The following IL23R variants were observed in gnomAD, a reference collection of about 807,000 sequenced individuals.
IL23R encodes interleukin 23 receptor.
In IL23R, 34 loss-of-function variants were observed where a neutral mutation model predicts 56.9. That is an observed-to-expected ratio of 0.60 (90% CI 0.45 to 0.80). The LOEUF is 0.80. Ranked by LOEUF, IL23R falls within the 30% of genes least tolerant of loss-of-function variation. The pLI is 0.00. For missense variants in IL23R, 635 were observed against 730.0 expected, an observed-to-expected ratio of 0.87 and a Z score of 1.50; for synonymous variants, 230 against 249.2, an observed-to-expected ratio of 0.92 and a Z score of 0.73.
intron 6 of IL23R, among the ~76,000 whole-genome samples, chr1:67,218,370 A>G (rs1019518561): frequency 1.3e-5 from 2 of 150,120 alleles, no homozygotes; most frequent in African/African-American, 2.5e-5. Flanking sequence ...ATATATATAT[A>G]TATGTATGTA....
chr1:67,260,605 T>G (rs1558271215), downstream of IL23R, among the ~76,000 whole-genome samples: 1 of 152,138 alleles, frequency 6.6e-6, no homozygotes, highest in Non-Finnish European at 1.5e-5. Flanking sequence ...TATCTACCAA[T>G]GATGTCAATA....
At chr1:67,195,121 C>T (rs931659406) in intron 4 of IL23R, among the ~76,000 whole-genome samples, 1 of 152,152 alleles carries the variant, frequency 6.6e-6, no homozygotes, top group African/African-American at 2.4e-5. Flanking sequence ...CTCACTGCAG[C>T]CTCCATCTCC....
At chr1:67,265,764 G>A in the IL23R span, among the ~76,000 whole-genome samples, 12 of 152,116 alleles carry the variant, frequency 7.9e-5, no homozygotes, top group African/African-American at 2.4e-4. Flanking sequence ...TTTGCAGCCA[G>A]GTGTGGTGGT....
intron 1 of IL23R, among the ~76,000 whole-genome samples, chr1:67,144,037 A>G (rs1646659994): frequency 6.6e-6 from 1 of 152,242 alleles, no homozygotes; most frequent in African/African-American, 2.4e-5. Flanking sequence ...AAAATAAAAA[A>G]TAATAATGAC....
chr1:67,219,463 A>G, intron 6 of IL23R, 111 bp from the exon 7 acceptor site: 1 of 972,102 alleles, frequency 1.0e-6, no homozygotes, highest in South Asian at 1.4e-5. Flanking sequence ...TTGTTTTCCT[A>G]GAGTCTAGAA....
intron 2 of IL23R, among the ~76,000 whole-genome samples, chr1:67,168,612 A>G (rs1442017760): frequency 6.6e-6 from 1 of 152,214 alleles, no homozygotes. Flanking sequence ...TTTATTCATT[A>G]TATTCAAACT....
rs138312673 is a variant in IL23R at position 67,169,511 on chromosome 1, T to A, written c.240T>A (p.Ile80=). The A allele has an allele frequency of 1.4e-4, 234 of 1,613,870 alleles. No individual in the cohort carries two copies. Among genetic ancestry groups the A allele is most frequent in the Non-Finnish European group, 1.9e-4 (222 of 1,179,900 alleles). The part of the protein sequence containing the change: ...GIKERFQITR[I]NKTTARLWYK... ...AAGAAAGATTTCAAATCACAAGGATTAATAAAACAACAGCTCGGCTTTGGT... is the reference window on the plus strand; with the variant it reads ...AAGAAAGATTTCAAATCACAAGGATAAATAAAACAACAGCTCGGCTTTGGT... The change falls in exon 3 of 11, where the codon ATT becomes ATA. Residue 80 remains isoleucine, a synonymous_variant. Transcript: ENST00000347310.
intron 1 of IL23R, among the ~76,000 whole-genome samples, chr1:67,141,916 C>T (rs1288996214): frequency 2.0e-5 from 3 of 152,068 alleles, no homozygotes; most frequent in African/African-American, 4.8e-5. Flanking sequence ...CAGGGGGAAG[C>T]GTATTACAGA....
chr1:67,234,280 AT>A (rs1651310591), intron 7 of IL23R, among the ~76,000 whole-genome samples: 1 of 152,170 alleles, frequency 6.6e-6, no homozygotes, highest in South Asian at 2.1e-4. Flanking sequence ...TTGTTTATAA[AT>A]TGTCTTATTT....
chr1:67,260,003 CT>C (rs930629536), downstream of IL23R: 20 of 139,900 alleles, frequency 1.4e-4, no homozygotes, highest in African/African-American at 5.0e-4. Flanking sequence ...ATAACTAATA[CT>C]TGCTTGCAAA....
intron 4 of IL23R, among the ~76,000 whole-genome samples, chr1:67,199,464 C>G (rs1405472398): frequency 1.3e-5 from 2 of 152,174 alleles, no homozygotes; most frequent in African/African-American, 4.8e-5. Flanking sequence ...TTTCCAAAGG[C>G]AGCTATTCTG....
In IL23R at chr1:67,240,431, T is replaced by C. The variant is rs941500451; in HGVS notation, c.1148+150T>C. 3 of 647,986 alleles carry C rather than the reference T, an allele frequency of 4.6e-6. No individual in the cohort carries two copies. In the African/African-American group the frequency reaches 5.5e-5, roughly 12 times the overall value. 40.1% of individuals were successfully genotyped at this position (647,986 alleles called of 1,614,324 possible). A position where few individuals can be genotyped will look rare whatever the true frequency, so the allele number is the denominator to read the frequency against. On this transcript the variant is annotated intron_variant, in intron 9 of 10. Coordinates refer to ENST00000347310, the MANE Select transcript of IL23R (RefSeq NM_144701.3). ...AAAAGAACAATGTTTAATAAGTACT[T>C]ACCCATGCCAAACTCTCTACAAATG...
chr1:67,203,816 G>A (rs538661678), intron 5 of IL23R, among the ~76,000 whole-genome samples: 9 of 152,176 alleles, frequency 5.9e-5, no homozygotes, highest in South Asian at 2.1e-4. Context: ...GAATGGCAGC[G>A]CAGAGTTAGT....
chr1:67,158,294 G>A (rs990643358), intron 1 of IL23R, among the ~76,000 whole-genome samples: 1 of 152,190 alleles, frequency 6.6e-6, no homozygotes, highest in Non-Finnish European at 1.5e-5. Flanking sequence ...CCAAACTGGG[G>A]TTTAGCCCAG....
chr1:67,219,538 A>G, intron 6 of IL23R, 36 bp from the exon 7 acceptor site: 2 of 1,599,738 alleles, frequency 1.3e-6, no homozygotes, highest in Non-Finnish European at 1.7e-6. Context: ...TTTTAAAAGC[A>G]CACCACATTT....
intron 7 of IL23R, among the ~76,000 whole-genome samples, chr1:67,228,002 CTTTCTTTCTTTCTTT>C (rs1650776327): frequency 9.4e-6 from 1 of 106,140 alleles, no homozygotes; most frequent in South Asian, 2.6e-4. Context: ...TTCTTTCTTT[CTTTCTTTCTTTCTTT>C]CTTCCTTTCT....
At chr1:67,251,452 A>AG (rs1206745998) in intron 9 of IL23R, among the ~76,000 whole-genome samples, 1 of 12,328 alleles carries the variant, frequency 8.1e-5, no homozygotes, top group Non-Finnish European at 1.5e-4. Flanking sequence ...ACTCTGTCTC[A>AG]AAAAAAAAAA....
intron 7 of IL23R, among the ~76,000 whole-genome samples, chr1:67,226,940 G>C (rs541260126): frequency 6.6e-6 from 1 of 152,260 alleles, no homozygotes; most frequent in East Asian, 1.9e-4. Context: ...ACAGGATATA[G>C]GACTGTTGTC....
intron 6 of IL23R, among the ~76,000 whole-genome samples, chr1:67,213,093 C>T (rs935370746): frequency 2.6e-5 from 4 of 151,950 alleles, no homozygotes; most frequent in South Asian, 2.1e-4. Context: ...AGGCTGATCC[C>T]AAGTGATCTG....
Sources: gnomAD v4.1 joint callset for allele counts (sites outside exome capture counted in the v4.1 genomes callset) on GRCh38, gnomAD v4.1.1 for gene constraint, MANE v1.5 for transcripts, NCBI Gene and HGNC (gene_info 2026-07-23, HGNC 2026-07-21) for gene names.